NSD2: variants seen among roughly 807,000 people sequenced by gnomAD.
NSD2 encodes histone-lysine N-methyltransferase NSD2.
NSD2 carries 12 observed loss-of-function variants against 139.0 expected under a neutral mutation model. The observed-to-expected ratio is 0.09, with a 90% CI of 0.06 to 0.14. The LOEUF (loss-of-function observed/expected upper bound fraction) is 0.14. NSD2 is among the 10% of genes least tolerant of loss of function. The pLI, the probability that NSD2 is intolerant of heterozygous loss-of-function variation, is 1.00. For synonymous variants in NSD2, 669 were observed against 648.7 expected (o/e 1.03, Z -0.48); for missense variants, 1,155 against 1,745.0 (o/e 0.66, Z 6.02).
Position 1,976,366 on chromosome 4 carries a change from G to A in NSD2, c.3622-109G>A. On this transcript the variant is annotated intron_variant, in intron 20 of 21. Coordinates refer to ENST00000508803, the MANE Select transcript of NSD2 (RefSeq NM_001042424.3). This position sits in a 1 kb window ranked among gnomAD's most constrained non-coding sequence, Gnocchi z 5.3. ...TCCTCTCCTCTCCTCTTAGTGTTGG[G>A]CACCTGCAGAGATCTCTGAAGTTCC... 1.7e-6 allele frequency: 2 copies of A among 1,203,018 alleles called. No homozygotes were observed. Among genetic ancestry groups the A allele is most frequent in the South Asian group, 1.5e-5 (1 of 68,666 alleles). The allele number at this position is 1,203,018 out of a possible 1,614,324, so 74.5% of individuals were successfully genotyped here. A position where few individuals can be genotyped will look rare whatever the true frequency, so the allele number is the denominator to read the frequency against.
chr4:1,915,111 CTTTTTTTTTTT>C (rs781255847), intron 3 of NSD2, among the ~76,000 whole-genome samples: 2 of 115,544 alleles, frequency 1.7e-5, no homozygotes, highest in East Asian at 2.4e-4. Flanking sequence ...CTTTTTTTCT[CTTTTTTTTTTT>C]TTTTTTTTTT....
At chr4:1,903,538 A>G (rs1717472721) in intron 2 of NSD2, among the ~76,000 whole-genome samples, 1 of 152,112 alleles carries the variant, frequency 6.6e-6, no homozygotes, top group Non-Finnish European at 1.5e-5. Context: ...GTCAGACATG[A>G]CTGGAGGGGC....
chr4:1,965,751 GGT>G (rs987820881), intron 18 of NSD2, among the ~76,000 whole-genome samples: 2 of 152,146 alleles, frequency 1.3e-5, no homozygotes, highest in Non-Finnish European at 2.9e-5. Context: ...GAAGGTGAAG[GGT>G]ACCTTTGCAC....
intron 1 of NSD2, among the ~76,000 whole-genome samples, chr4:1,895,121 C>G (rs933317310): frequency 6.6e-6 from 1 of 152,180 alleles, no homozygotes; most frequent in African/African-American, 2.4e-5. Context: ...CATTTCCTTC[C>G]TTTTAAAGCT....
intron 3 of NSD2, 98 bp downstream of exon 3, chr4:1,904,476 A>C (rs1437091659): frequency 7.4e-7 from 1 of 1,352,800 alleles, no homozygotes; most frequent in Non-Finnish European, 1.0e-6. Context: ...TAGCCCTGCT[A>C]TGGTTCATTT....
In NSD2 at chr4:1,927,658, G is replaced by T. The variant is rs186910220; in HGVS notation, c.1411-2968G>T. On this transcript the variant is annotated intron_variant, in intron 5 of 21. Transcript: ENST00000508803. ...CGCTTGAACCCAGGAGGCAGAGGTT[G>T]CAGTGAGCTGAGATCACGTCACTGC... 2.6e-4 allele frequency among the ~76,000 whole-genome samples: 37 copies of T among 141,906 alleles called. No homozygotes were observed. The East Asian group carries it at 3.4e-3, about 13-fold the overall frequency. The allele number at this position is 141,906 out of a possible 152,430, so 93.1% of individuals were successfully genotyped here.
chr4:1,957,638 C>T (rs905109709), intron 15 of NSD2, among the ~76,000 whole-genome samples: 5 of 152,072 alleles, frequency 3.3e-5, no homozygotes, highest in East Asian at 1.9e-4. Flanking sequence ...CAGGCTTTGA[C>T]CCTGGTGCTT....
chr4:1,978,365 C>A (rs529778013), intron 21 of NSD2, among the ~76,000 whole-genome samples: 1 of 152,126 alleles, frequency 6.6e-6, no homozygotes, highest in African/African-American at 2.4e-5. Flanking sequence ...GGGGGACACT[C>A]CTGCACCCGG....
In NSD2 at chr4:1,942,192, C is replaced by G; in HGVS notation, c.1881+2414C>G. ...GAATAATTATTACATGGTACTACAT[C>G]ACCCTGAGGAAGAGAATAAATTAAA... is the stretch of plus-strand genomic sequence containing the variant. On this transcript the variant is annotated intron_variant, in intron 9 of 21. Coordinates refer to ENST00000508803, the MANE Select transcript of NSD2 (RefSeq NM_001042424.3). This position sits in a 1 kb window ranked among gnomAD's most constrained non-coding sequence, Gnocchi z 4.0. 6.9e-7 allele frequency: 1 copy of G among 1,441,926 alleles called. No homozygotes were observed. The highest frequency in any genetic ancestry group is 9.1e-7 in the Non-Finnish European group (1 of 1,100,012). 89.3% of individuals were successfully genotyped at this position (1,441,926 alleles called of 1,614,324 possible).
Position 1,939,667 on chromosome 4 carries a change from G to C in NSD2, c.1770G>C (p.Leu590=). ...ATTATTTTACAGCAACGAAAAATCT[G>C]TCTGATGCATGTAAACCACTGAAGA... ...SLKSQAATKN[L]SDACKPLKKR... Residue 590 remains leucine, a synonymous_variant, in exon 9 of 22, where the codon CTG becomes CTC. Coordinates refer to ENST00000508803, the MANE Select transcript of NSD2 (RefSeq NM_001042424.3). The C allele has an allele frequency of 6.2e-7, 1 of 1,614,210 alleles. No homozygotes were observed. The highest frequency in any genetic ancestry group is 1.1e-5 in the South Asian group (1 of 91,084).
At position 1,972,973 on chromosome 4, in the gene NSD2, C is replaced by T. The variant is rs1206913683; in HGVS notation, c.3373-1890C>T. Among the ~76,000 whole-genome samples the T allele has an allele frequency of 1.3e-5, 2 of 152,162 alleles. No individual in the cohort carries two copies. Among genetic ancestry groups the T allele is most frequent in the Admixed American group, 6.5e-5 (1 of 15,280 alleles). On this transcript the variant is annotated intron_variant, in intron 18 of 21. Transcript: ENST00000508803. This position sits in a 1 kb window ranked among gnomAD's most constrained non-coding sequence, Gnocchi z 4.0. Reference sequence around the variant, plus strand: ...GTTCAAGCCATTCTCCTGCCTCAGCCTCCCGAGTAACTGGGATTACCGGTG... The same window carrying T: ...GTTCAAGCCATTCTCCTGCCTCAGCTTCCCGAGTAACTGGGATTACCGGTG...
chr4:1,973,072 G>A lies in NSD2; in HGVS notation c.3373-1791G>A, dbSNP rs978115420. ...TCACCATGTTGGCCAGGCTGGTTTCGAACTCCTGGCCTCAAGTGATCCTTG... is the reference window on the plus strand; with the variant it reads ...TCACCATGTTGGCCAGGCTGGTTTCAAACTCCTGGCCTCAAGTGATCCTTG... On this transcript the variant is annotated intron_variant, in intron 18 of 21. Coordinates refer to ENST00000508803, the MANE Select transcript of NSD2 (RefSeq NM_001042424.3). This position sits in a 1 kb window ranked among gnomAD's most constrained non-coding sequence, Gnocchi z 5.5. 2.0e-5 allele frequency among the ~76,000 whole-genome samples: 3 copies of A among 152,088 alleles called. No individual in the cohort carries two copies. Among genetic ancestry groups the A allele is most frequent in the African/African-American group, 7.2e-5 (3 of 41,396 alleles).
At position 1,946,699 on chromosome 4, in the gene NSD2, A is replaced by T. The variant is rs76949546; in HGVS notation, c.1882-4373A>T. Reference sequence around the variant, plus strand: ...GAATGTTAGAAATTACCACTAATTTACCTGGCAGTGATGTCAAATTGACTG... The same window carrying T: ...GAATGTTAGAAATTACCACTAATTTTCCTGGCAGTGATGTCAAATTGACTG... On this transcript the variant is annotated intron_variant, in intron 9 of 21. Transcript: ENST00000508803. 3.8e-4 allele frequency: 397 copies of T among 1,042,370 alleles called. 13 individuals are homozygous for T. In the East Asian group the frequency reaches 0.023, roughly 59 times the overall value. 64.6% of individuals were successfully genotyped at this position (1,042,370 alleles called of 1,614,324 possible).
intron 7 of NSD2, among the ~76,000 whole-genome samples, chr4:1,937,266 C>G (rs2108885134): frequency 6.6e-6 from 1 of 152,190 alleles, no homozygotes; most frequent in Non-Finnish European, 1.5e-5. Flanking sequence ...GTTGGCCAGG[C>G]TGGTCTCAAA....
intron 9 of NSD2, chr4:1,947,599 C>A (rs927047246): frequency 3.0e-5 from 32 of 1,053,838 alleles, no homozygotes; most frequent in Admixed American, 5.5e-5. Context: ...TTTTACTGTG[C>A]TGTTAACTTG....
At chr4:1,937,078 G>T (rs1194240171) in intron 7 of NSD2, among the ~76,000 whole-genome samples, 1 of 151,224 alleles carries the variant, frequency 6.6e-6, no homozygotes, top group African/African-American at 2.4e-5. Flanking sequence ...TTGAGAGGGA[G>T]TCTCACTTCG....
At chr4:1,877,313 C>T (rs541715800) in intron 1 of NSD2, among the ~76,000 whole-genome samples, 15 of 152,148 alleles carry the variant, frequency 9.9e-5, no homozygotes, top group Admixed American at 9.8e-4. Context: ...ACTGCCTTGT[C>T]TTTCTAAAAT....
intron 3 of NSD2, among the ~76,000 whole-genome samples, chr4:1,908,026 T>C (rs1718170911): frequency 6.6e-6 from 1 of 152,186 alleles, no homozygotes; most frequent in South Asian, 2.1e-4. Context: ...AAACATCACA[T>C]CAGTAACAAG....
rs1416347752 is a variant in NSD2 at position 1,958,004 on chromosome 4, G to A, written c.2953G>A (p.Glu985Lys). The A allele has an allele frequency of 3.7e-6, 6 of 1,614,146 alleles. No homozygotes were observed. The highest frequency in any genetic ancestry group is 2.2e-5 in the East Asian group (1 of 44,888). Residue 985 changes from glutamate to lysine, a missense_variant, in exon 16 of 22, where the codon GAG becomes AAG. Transcript: ENST00000508803. This position sits in a 1 kb window ranked among gnomAD's most constrained non-coding sequence, Gnocchi z 4.6. ...GGAAGCCCGAGAAACACAGGAGAGCGAGCGCAAGCCCCCACCATACAAGCA... is the reference window on the plus strand; with the variant it reads ...GGAAGCCCGAGAAACACAGGAGAGCAAGCGCAAGCCCCCACCATACAAGCA... ...QREARETQESERKPPPYKHIK... is the reference protein window; with the variant it reads ...QREARETQESKRKPPPYKHIK...
Sources: gnomAD v4.1 joint callset for allele counts (sites outside exome capture counted in the v4.1 genomes callset) on GRCh38, gnomAD v4.1.1 for gene constraint, Gnocchi (gnomAD v3.1) non-coding constraint, MANE v1.5 for transcripts, NCBI Gene and HGNC (gene_info 2026-07-23, HGNC 2026-07-21) for gene names.